Variants in CNTNAP4 observed in about 807,000 individuals in gnomAD.
CNTNAP4 encodes the protein contactin associated protein family member 4, also known as contactin-associated protein-like 4.
Under a neutral mutation model 148.4 loss-of-function variants are expected in CNTNAP4, and 98 were observed. That is an observed-to-expected ratio of 0.66 (90% CI 0.56 to 0.78). The LOEUF is 0.78. Ranked by LOEUF, CNTNAP4 falls within the 30% of genes least tolerant of loss-of-function variation. The pLI, the probability that CNTNAP4 is intolerant of heterozygous loss-of-function variation, is 0.00. For missense variants in CNTNAP4, 1,935 were observed against 1,565.6 expected, an observed-to-expected ratio of 1.24 and a Z score of -3.98; for synonymous variants, 730 against 565.1, an observed-to-expected ratio of 1.29 and a Z score of -4.14.
intron 1 of CNTNAP4, among the ~76,000 whole-genome samples, chr16:76,291,128 T>C (rs774750137): frequency 3.9e-5 from 6 of 152,208 alleles, no homozygotes; most frequent in Admixed American, 3.3e-4. Context: ...GACATATTAA[T>C]TGTGGAGTGG....
Position 76,521,303 on chromosome 16 carries a change from G to A in CNTNAP4, c.2529G>A (p.Glu843=), listed in dbSNP as rs201435704. The A allele has an allele frequency of 1.7e-4, 269 of 1,603,682 alleles. No individual in the cohort carries two copies. In the African/African-American group the frequency reaches 3.1e-3, roughly 19 times the overall value. Residue 843 remains glutamate, a synonymous_variant, in exon 16 of 24, where the codon GAG becomes GAA. Transcript: ENST00000611870. ...GGATTGCTGATTTTATACGGATAGA[G>A]CTTCGCTGTAAGTCTCCTTTTCCAG... ...NLGIADFIRI[E]LRSPTVVTFS...
In CNTNAP4 at chr16:76,489,787, A is replaced by C; in HGVS notation, c.1984A>C (p.Ser662Arg). The change falls in exon 13 of 24, where the codon AGC becomes CGC. Residue 662 changes from serine to arginine, a missense_variant. Physicochemically the swap from Ser to Arg is moderately radical, Grantham distance 110. Transcript: ENST00000611870. ...PYAGFFEYVASMEQLQATINR... is the reference protein window; with the variant it reads ...PYAGFFEYVARMEQLQATINR... The stretch of plus-strand genomic sequence containing the variant: ...TGCTGGGTTTTTCGAGTATGTGGCC[A>C]GCATGGAGCAACTTCAGGCCACTAT... The C allele has an allele frequency of 6.2e-7, 1 of 1,606,274 alleles. No individual in the cohort carries two copies. The highest frequency in any genetic ancestry group is 8.5e-7 in the Non-Finnish European group (1 of 1,176,022).
At chr16:76,431,459 A>G (rs1181643121) in intron 4 of CNTNAP4, among the ~76,000 whole-genome samples, 1 of 152,124 alleles carries the variant, frequency 6.6e-6, no homozygotes, top group Non-Finnish European at 1.5e-5. Flanking sequence ...GTGGGGGGTT[A>G]CCTGAGGTCA....
chr16:76,523,140 G>C (rs1249081183), intron 17 of CNTNAP4, among the ~76,000 whole-genome samples: 2 of 151,906 alleles, frequency 1.3e-5, no homozygotes, highest in Admixed American at 6.6e-5. Flanking sequence ...GTTTTATTAT[G>C]ATACCAGGAA....
chr16:76,467,281 A>C (rs1337983083), intron 9 of CNTNAP4, 71 bp from the exon 10 acceptor site: 3 of 1,353,066 alleles, frequency 2.2e-6, no homozygotes, highest in South Asian at 1.3e-5. Flanking sequence ...TTTATTTTTT[A>C]AATGAAGTTA....
chr16:76,320,350 A>C (rs762680940), intron 2 of CNTNAP4, among the ~76,000 whole-genome samples: 14 of 152,196 alleles, frequency 9.2e-5, no homozygotes, highest in Non-Finnish European at 1.6e-4. Context: ...TGAGGGAAGA[A>C]ATACATTGAG....
chr16:76,351,794 T>G (rs72628208), intron 2 of CNTNAP4, among the ~76,000 whole-genome samples: 19,809 of 152,222 alleles, frequency 0.13, 2,001 homozygotes, highest in East Asian at 0.47. Context: ...CAGTGAGGGC[T>G]TCCTCTTTCT....
chr16:76,504,427 A>G (rs1438675333), intron 15 of CNTNAP4, among the ~76,000 whole-genome samples: 1 of 152,004 alleles, frequency 6.6e-6, no homozygotes, highest in Non-Finnish European at 1.5e-5. Flanking sequence ...AAAAAAAAAG[A>G]GTGTCAATTC....
intron 17 of CNTNAP4, among the ~76,000 whole-genome samples, chr16:76,522,710 T>C (rs1252653451): frequency 0.062 from 1,842 of 29,948 alleles, 231 homozygotes; most frequent in Admixed American, 0.13. Context: ...TCTTTTCTTT[T>C]CTTTTCTTTT....
chr16:76,477,148 A>G (rs531371475), intron 11 of CNTNAP4, among the ~76,000 whole-genome samples: 76 of 152,260 alleles, frequency 5.0e-4, no homozygotes, highest in African/African-American at 1.7e-3. Context: ...GGATGTGAAC[A>G]TGTGACAACA....
chr16:76,318,178 T>G (rs1425904759), intron 2 of CNTNAP4, among the ~76,000 whole-genome samples: 2 of 152,186 alleles, frequency 1.3e-5, no homozygotes, highest in Non-Finnish European at 2.9e-5. Flanking sequence ...CATTCTGTGC[T>G]TCTTTATAGA....
At chr16:76,277,908 T>G (rs1958540415) in intron 1 of CNTNAP4, among the ~76,000 whole-genome samples, 161 bp downstream of exon 1, 1 of 152,232 alleles carries the variant, frequency 6.6e-6, no homozygotes, top group Non-Finnish European at 1.5e-5. Context: ...CGGTTAACAC[T>G]TGTCTCTCCT....
chr16:76,544,441 T>G (rs1039127247), intron 21 of CNTNAP4, among the ~76,000 whole-genome samples: 2 of 152,184 alleles, frequency 1.3e-5, no homozygotes, highest in Non-Finnish European at 2.9e-5. Context: ...GGGTGAATTT[T>G]AAGAAACAGT....
intron 14 of CNTNAP4, 92 bp from the exon 15 acceptor site, chr16:76,498,475 G>A: frequency 9.9e-7 from 1 of 1,009,092 alleles, no homozygotes; most frequent in Non-Finnish European, 1.5e-6. Context: ...CTCTTTTGTA[G>A]GTGCAAATTT....
Position 76,298,652 on chromosome 16 carries a change from A to G in CNTNAP4, c.86-17761A>G, listed in dbSNP as rs144397817. On this transcript the variant is annotated intron_variant, in intron 1 of 23. Transcript: ENST00000611870. ...AACAAGTGGAGTAAACACACCCTTA[A>G]AGTAATGGGGTGGCTGCAGCCATAT... Among the ~76,000 whole-genome samples, 990 of 152,112 alleles carry G rather than the reference A, an allele frequency of 6.5e-3. 15 individuals are homozygous for G. Among genetic ancestry groups the G allele is most frequent in the African/African-American group, 0.022 (911 of 41,490 alleles).
At chr16:76,463,791 T>C (rs1225420701) in intron 9 of CNTNAP4, among the ~76,000 whole-genome samples, 1 of 152,204 alleles carries the variant, frequency 6.6e-6, no homozygotes, top group African/African-American at 2.4e-5. Flanking sequence ...AATGCTCTCC[T>C]GAATTTGGGT....
chr16:76,370,814 C>A (rs13337339), intron 3 of CNTNAP4, among the ~76,000 whole-genome samples: 1 of 152,076 alleles, frequency 6.6e-6, no homozygotes, highest in African/African-American at 2.4e-5. Context: ...GCTTCCCTTT[C>A]AACCCATAAA....
intron 2 of CNTNAP4, among the ~76,000 whole-genome samples, chr16:76,343,754 T>C (rs900050107): frequency 1.3e-5 from 2 of 152,150 alleles, no homozygotes; most frequent in Admixed American, 6.6e-5. Context: ...TTTTTTTGTC[T>C]GATGAGGTAA....
chr16:76,386,790 A>G (rs1378532594), intron 3 of CNTNAP4, among the ~76,000 whole-genome samples: 1 of 152,214 alleles, frequency 6.6e-6, no homozygotes, highest in African/African-American at 2.4e-5. Context: ...GTTGTTAATC[A>G]GATGATCATA....
Sources: allele counts gnomAD v4.1 joint callset (sites outside exome capture counted in the v4.1 genomes callset), GRCh38; gene constraint gnomAD v4.1.1; transcripts MANE v1.5; gene names NCBI Gene and HGNC (gene_info 2026-07-23, HGNC 2026-07-21).